ZFHX3: variants seen among roughly 807,000 people sequenced by gnomAD.
ZFHX3 encodes the protein zinc finger homeobox protein 3.
Under a neutral mutation model 279.1 loss-of-function variants are expected in ZFHX3, and 42 were observed. That is an observed-to-expected ratio of 0.15 (90% CI 0.12 to 0.19). ZFHX3 has a LOEUF of 0.19. Among genes scored for constraint, ZFHX3 ranks in the 10% least tolerant of loss-of-function variants. The pLI is 1.00. For missense variants in ZFHX3, 4,981 were observed against 4,754.0 expected (o/e 1.05, Z -1.40); for synonymous variants, 2,293 against 1,957.8 (o/e 1.17, Z -4.52).
intron 7 of ZFHX3, chr16:72,809,926 C>T (rs1380263488): frequency 6.7e-6 from 1 of 148,190 alleles, no homozygotes. Flanking sequence ...GTCACCCAGG[C>T]TGGAGTGCAG....
intron 3 of ZFHX3, among the ~76,000 whole-genome samples, chr16:73,366,388 A>T (rs1047288308): frequency 1.4e-4 from 22 of 152,076 alleles, no homozygotes; most frequent in African/African-American, 5.1e-4. Context: ...TAGAAAATAA[A>T]AATCTGCTCT....
Position 73,542,855 on chromosome 16 carries a change from CGT to C in ZFHX3, c.-1546-86599_-1546-86598del, listed in dbSNP as rs143161866. Among the ~76,000 whole-genome samples the C allele has an allele frequency of 7.2e-4, 109 of 150,478 alleles. 3 individuals carry two copies. In the East Asian group the frequency reaches 0.017, roughly 24 times the overall value. On this transcript the variant is annotated intron_variant, in intron 2 of 17. Transcript: ENST00000641206. ...ATTTGGGAACCCTAAACCTTCAGAG[CGT>C]GTGTGTGTGTGTGTTGGGAAGGGGT... is the stretch of plus-strand genomic sequence containing the variant.
intron 4 of ZFHX3, among the ~76,000 whole-genome samples, chr16:72,833,126 C>A (rs764465449): frequency 5.3e-5 from 8 of 152,182 alleles, no homozygotes; most frequent in Non-Finnish European, 2.9e-5. Context: ...AAGCTGCTTA[C>A]CAAGAGCCAG....
At chr16:73,342,823 T>C (rs1436714990) in intron 3 of ZFHX3, among the ~76,000 whole-genome samples, 1 of 152,184 alleles carries the variant, frequency 6.6e-6, no homozygotes. Flanking sequence ...TCCACAGGGA[T>C]GGGGAGAACA....
At chr16:72,914,603 A>C (rs1204357692) in intron 3 of ZFHX3, among the ~76,000 whole-genome samples, 1 of 152,322 alleles carries the variant, frequency 6.6e-6, no homozygotes, top group African/African-American at 2.4e-5. Context: ...ATGTTCTGAC[A>C]TTAAAAAAGA....
At chr16:73,602,049 T>G (rs988569519) in intron 2 of ZFHX3, among the ~76,000 whole-genome samples, 19 of 152,096 alleles carry the variant, frequency 1.2e-4, no homozygotes, top group African/African-American at 4.3e-4. Context: ...GGACGATTGC[T>G]TGAACCTGAG....
rs199600043 is a variant in ZFHX3, at chr16:72,958,257, C to G, written c.1889G>C (p.Gly630Ala). ...ACTCCCCGAGGGGCACTCCCCAACC[C>G]CAAGCTCGCAGAGGGAGCCAGCGTG... The part of the protein sequence containing the change: ...HQHAGSLCEL[G>A]VGECPSGSGV... The change falls in exon 2 of 10, where the codon GGG (glycine) becomes GCG (alanine). Residue 630 changes from glycine (G) to alanine (A), a missense_variant. Transcript: ENST00000268489. The G allele has an allele frequency of 2.4e-4, 380 of 1,613,756 alleles. No homozygotes were observed. Among genetic ancestry groups the G allele is most frequent in the South Asian group, 4.0e-4 (36 of 91,084 alleles).
At chr16:73,459,065 G>A (rs2018426243) in intron 2 of ZFHX3, among the ~76,000 whole-genome samples, 1 of 152,206 alleles carries the variant, frequency 6.6e-6, no homozygotes, top group African/African-American at 2.4e-5. Context: ...ATAGCAAAGA[G>A]TAGACACGTA....
intron 3 of ZFHX3, among the ~76,000 whole-genome samples, chr16:73,433,779 A>T (rs2017949297): frequency 6.6e-6 from 1 of 152,224 alleles, no homozygotes; most frequent in South Asian, 2.1e-4. Flanking sequence ...AGCGGCAGAC[A>T]GAGCTGAGCC....
At chr16:73,132,808 TTTA>T (rs1966714636) in intron 6 of ZFHX3, among the ~76,000 whole-genome samples, 1 of 152,170 alleles carries the variant, frequency 6.6e-6, no homozygotes, top group South Asian at 2.1e-4. Context: ...TTTTAAAAGT[TTTA>T]TTATTGTATA....
Position 73,394,491 on chromosome 16 carries a change from A to G in ZFHX3, c.-1291+61512T>C, listed in dbSNP as rs531284628. ...TTTGTATTTTCAGTAGAGATGGGGT[A>G]TCATCATGTTGACCAGGCTGCATTT... On this transcript the variant is annotated intron_variant, in intron 3 of 17. Coordinates refer to the ZFHX3 transcript ENST00000641206. Among the ~76,000 whole-genome samples, 264 of 152,100 alleles carry G rather than the reference A, an allele frequency of 1.7e-3. 1 individual carries two copies. Among genetic ancestry groups the G allele is most frequent in the Middle Eastern group, 3.4e-3 (1 of 294 alleles).
chr16:73,470,410 C>T lies in ZFHX3; in HGVS notation c.-1546-14152G>A, dbSNP rs143001571. The stretch of plus-strand genomic sequence containing the variant: ...ACGTTTAGCGTGTTGTCTGCTAAAC[C>T]GTTGATCTAGAGTGTCCCATGTTGA... On this transcript the variant is annotated intron_variant, in intron 2 of 17. Transcript: ENST00000641206. Among the ~76,000 whole-genome samples the T allele has an allele frequency of 2.4e-3, 372 of 152,220 alleles. 1 individual carries two copies. The highest frequency in any genetic ancestry group is 8.2e-3 in the African/African-American group (341 of 41,536).
At chr16:73,095,120 T>C (rs1966144077) in intron 7 of ZFHX3, among the ~76,000 whole-genome samples, 1 of 152,166 alleles carries the variant, frequency 6.6e-6, no homozygotes, top group Non-Finnish European at 1.5e-5. Context: ...GACAAGGGTC[T>C]TGCTGTGTTG....
intron 2 of ZFHX3, among the ~76,000 whole-genome samples, chr16:73,533,748 G>T (rs1399957010): frequency 6.6e-6 from 1 of 151,950 alleles, no homozygotes. Flanking sequence ...CCCTCCATTT[G>T]CTCAAGAAAA....
chr16:73,208,780 T>C (rs577571060), intron 5 of ZFHX3, among the ~76,000 whole-genome samples: 1 of 152,274 alleles, frequency 6.6e-6, no homozygotes, highest in South Asian at 2.1e-4. Flanking sequence ...TAGGAAATAA[T>C]GAATAAAATA....
chr16:72,926,862 T>C (rs1959475165), intron 3 of ZFHX3, among the ~76,000 whole-genome samples: 1 of 152,204 alleles, frequency 6.6e-6, no homozygotes, highest in African/African-American at 2.4e-5. Flanking sequence ...GACCTCCAGA[T>C]GGCTAGTTCT....
intron 8 of ZFHX3, among the ~76,000 whole-genome samples, chr16:73,088,365 C>G (rs1966034038): frequency 6.6e-6 from 1 of 151,932 alleles, no homozygotes; most frequent in African/African-American, 2.4e-5. Context: ...GTTACCCCAG[C>G]TGGTCTCAAA....
intron 1 of ZFHX3, among the ~76,000 whole-genome samples, chr16:73,727,168 C>G (rs2053525834): frequency 6.6e-6 from 1 of 152,148 alleles, no homozygotes; most frequent in Non-Finnish European, 1.5e-5. Flanking sequence ...AGTGGCCAGA[C>G]CAACACAGAT....
At chr16:73,044,958 C>G (rs1965240061) in intron 1 of ZFHX3, among the ~76,000 whole-genome samples, 1 of 152,132 alleles carries the variant, frequency 6.6e-6, no homozygotes, top group African/African-American at 2.4e-5. Context: ...ACTTTCTTCC[C>G]CTTTAAATAA....
Sources: allele counts gnomAD v4.1 joint callset (sites outside exome capture counted in the v4.1 genomes callset), GRCh38; gene constraint gnomAD v4.1.1; transcripts MANE v1.5; gene names NCBI Gene and HGNC (gene_info 2026-07-23, HGNC 2026-07-21).